Variants in SHLD2 observed in about 807,000 individuals in gnomAD.
SHLD2 encodes RINN1-REV7-interacting novel NHEJ regulator 2.
Under a neutral mutation model 73.2 loss-of-function variants are expected in SHLD2, and 30 were observed. That is an observed-to-expected ratio of 0.41 (90% CI 0.31 to 0.56). The LOEUF (loss-of-function observed/expected upper bound fraction) is 0.56. Ranked by LOEUF, SHLD2 falls within the 20% of genes least tolerant of loss-of-function variation. The pLI is 0.28. For synonymous variants in SHLD2, 285 were observed against 370.1 expected (o/e 0.77, Z 2.64); for missense variants, 745 against 1,055.9 (o/e 0.71, Z 4.08).
intron 2 of SHLD2, among the ~76,000 whole-genome samples, chr10:87,130,142 G>GT (rs1236244617): frequency 6.6e-6 from 1 of 151,982 alleles, no homozygotes; most frequent in Non-Finnish European, 1.5e-5. Flanking sequence ...ACTATTTGCA[G>GT]TTATGCCTCT....
At chr10:87,139,868 A>C (rs1160411239) in intron 2 of SHLD2, among the ~76,000 whole-genome samples, 1 of 152,238 alleles carries the variant, frequency 6.6e-6, no homozygotes, top group African/African-American at 2.4e-5. Flanking sequence ...AAGATGAAAA[A>C]TACCAGATAT....
At chr10:87,138,557 T>A (rs1213102367) in intron 2 of SHLD2, among the ~76,000 whole-genome samples, 6 of 152,138 alleles carry the variant, frequency 3.9e-5, no homozygotes, top group African/African-American at 1.4e-4. Flanking sequence ...ACAGCATATA[T>A]GTGATTATAC....
At chr10:87,172,315 C>G (rs2134594557) in intron 6 of SHLD2, among the ~76,000 whole-genome samples, 1 of 152,228 alleles carries the variant, frequency 6.6e-6, no homozygotes, top group African/African-American at 2.4e-5. Context: ...ACCCCATTTC[C>G]AAATTCCCAG....
At chr10:87,107,289 T>A (rs1274290605) in intron 2 of SHLD2, among the ~76,000 whole-genome samples, 1 of 151,816 alleles carries the variant, frequency 6.6e-6, no homozygotes, top group East Asian at 1.9e-4. Context: ...TAGTGCGCCC[T>A]TGTAATCCCA....
intron 2 of SHLD2, among the ~76,000 whole-genome samples, chr10:87,119,137 A>G (rs1284317900): frequency 6.7e-6 from 1 of 149,948 alleles, no homozygotes; most frequent in African/African-American, 2.5e-5. Context: ...TCTCAGTCTT[A>G]TGCTGACATC....
At chr10:87,153,016 G>T in intron 3 of SHLD2, 137 bp downstream of exon 3, 18 of 822,104 alleles carry the variant, frequency 2.2e-5, no homozygotes, top group Non-Finnish European at 3.0e-5. Flanking sequence ...TCCCTTTATC[G>T]CATCTGCATT....
intron 4 of SHLD2, among the ~76,000 whole-genome samples, chr10:87,162,738 A>AATAT (rs1373699475): frequency 6.6e-6 from 1 of 152,180 alleles, no homozygotes; most frequent in African/African-American, 2.4e-5. Flanking sequence ...ATGGCTATCA[A>AATAT]ATATAACTTA....
chr10:87,123,588 A>G (rs1213283547), intron 2 of SHLD2, among the ~76,000 whole-genome samples: 5 of 152,096 alleles, frequency 3.3e-5, no homozygotes, highest in Admixed American at 2.0e-4. Flanking sequence ...TGCAACCATC[A>G]CCATTATCTA....
chr10:87,094,666 C>A (rs552066337), upstream of SHLD2: 1 of 1,565,594 alleles, frequency 6.4e-7, no homozygotes, highest in Non-Finnish European at 8.7e-7. This position sits in a 1 kb window ranked among gnomAD's most constrained non-coding sequence, Gnocchi z 6.6. Context: ...GGCGGGCTGT[C>A]CCCGGGCCCA....
Position 87,117,653 on chromosome 10 carries a change from G to A in SHLD2, c.-6+20664G>A, listed in dbSNP as rs868841607. Among the ~76,000 whole-genome samples, 9 of 151,988 alleles carry A rather than the reference G, an allele frequency of 5.9e-5. No homozygotes were observed. In the South Asian group the frequency reaches 8.3e-4, roughly 14 times the overall value. On this transcript the variant is annotated intron_variant, in intron 2 of 9. Transcript: ENST00000298786. ...TACAAAAAATACAAAAAATTAGTCA[G>A]GTATGGTGGCATGCACCTGTAGTCC...
intron 4 of SHLD2, among the ~76,000 whole-genome samples, chr10:87,158,750 A>T (rs1241315988): frequency 1.3e-5 from 2 of 152,196 alleles, no homozygotes; most frequent in African/African-American, 4.8e-5. Flanking sequence ...ATAAAATAAC[A>T]TAAAAAAAAG....
chr10:87,122,919 A>G (rs1564585029), intron 2 of SHLD2, among the ~76,000 whole-genome samples: 1 of 152,210 alleles, frequency 6.6e-6, no homozygotes, highest in Non-Finnish European at 1.5e-5. Flanking sequence ...CTGGGACTAC[A>G]GGCACCTGCC....
At chr10:87,095,549 C>G (rs1042017990) in intron 1 of SHLD2, among the ~76,000 whole-genome samples, 1 of 152,190 alleles carries the variant, frequency 6.6e-6, no homozygotes, top group Admixed American at 6.5e-5. Context: ...CGCGTAAGGC[C>G]GGGCTGAGGG....
chr10:87,143,852 T>C (rs11202343), intron 2 of SHLD2, among the ~76,000 whole-genome samples: 16,242 of 134,748 alleles, frequency 0.12, 1,162 homozygotes, highest in Middle Eastern at 0.24. Context: ...CCTTATTCTT[T>C]TTATTCTTTC....
intron 2 of SHLD2, among the ~76,000 whole-genome samples, chr10:87,138,727 A>T (rs1844978457): frequency 6.6e-6 from 1 of 152,254 alleles, no homozygotes; most frequent in East Asian, 1.9e-4. Context: ...TCTGCCTAAG[A>T]GGGATTAACT....
intron 4 of SHLD2, among the ~76,000 whole-genome samples, chr10:87,159,407 A>C (rs980419749): frequency 6.6e-6 from 1 of 152,166 alleles, no homozygotes; most frequent in Non-Finnish European, 1.5e-5. Context: ...TTTACTGTAC[A>C]CTGGGGGTAC....
intron 2 of SHLD2, among the ~76,000 whole-genome samples, chr10:87,103,748 C>G (rs1235225969): frequency 6.6e-6 from 1 of 152,136 alleles, no homozygotes; most frequent in Non-Finnish European, 1.5e-5. Context: ...AAACCCTTTT[C>G]CTAATTAATG....
At chr10:87,175,059 G>C (rs907441728) in intron 6 of SHLD2, among the ~76,000 whole-genome samples, 10 of 147,956 alleles carry the variant, frequency 6.8e-5, no homozygotes, top group Admixed American at 5.5e-4. Flanking sequence ...GGAGCTTGCA[G>C]TGAGCCGAGA....
At chr10:87,097,355 G>A (rs1313944972) in intron 2 of SHLD2, among the ~76,000 whole-genome samples, 2 of 152,202 alleles carry the variant, frequency 1.3e-5, no homozygotes, top group African/African-American at 4.8e-5. Flanking sequence ...GAGGTCAGGA[G>A]TTCGAGACCA....
Sources: allele counts gnomAD v4.1 joint callset (sites outside exome capture counted in the v4.1 genomes callset), GRCh38; gene constraint gnomAD v4.1.1; non-coding constraint Gnocchi (gnomAD v3.1); transcripts MANE v1.5; gene names NCBI Gene and HGNC (gene_info 2026-07-23, HGNC 2026-07-21).